VSIG4: variants seen among roughly 807,000 people sequenced by gnomAD.
VSIG4 encodes V-set and immunoglobulin domain-containing protein 4.
Under a neutral mutation model 23.4 loss-of-function variants are expected in VSIG4, and 34 were observed. The observed-to-expected ratio is 1.45, with a 90% CI of 1.10 to 1.93. VSIG4 has a LOEUF of 1.93. Ranked by LOEUF, VSIG4 falls within the 30% of genes most tolerant of loss-of-function variation. The probability of loss-of-function intolerance (pLI) is 0.00; values close to 1 mark genes in which losing one functional copy is unlikely to be tolerated. For synonymous variants in VSIG4, 169 were observed against 120.3 expected (o/e 1.41, Z -2.65); for missense variants, 433 against 310.8 (o/e 1.39, Z -2.96).
At chrX:66,036,778 T>A (rs1391814588) in intron 1 of VSIG4, among the ~76,000 whole-genome samples, 12 of 40,095 alleles carry the variant, frequency 3.0e-4, no homozygotes, top group East Asian at 9.6e-4. Context: ...TATATTATAT[T>A]ATATTATATA....
intron 1 of VSIG4, among the ~76,000 whole-genome samples, chrX:66,035,558 G>C (rs764457588): frequency 3.6e-5 from 4 of 111,373 alleles, no homozygotes; most frequent in African/African-American, 1.3e-4. Flanking sequence ...GTAATTATAG[G>C]TTCCAGCTGG....
intron 4 of VSIG4, 121 bp from the exon 5 acceptor site, chrX:66,027,647 C>A (rs1165063808): frequency 7.3e-6 from 4 of 547,206 alleles, no homozygotes; most frequent in Non-Finnish European, 1.3e-5. Flanking sequence ...TCCAGGGTAC[C>A]TGACCATGTT....
intron 2 of VSIG4, 97 bp downstream of exon 2, chrX:66,033,377 A>G: frequency 1.3e-6 from 1 of 780,882 alleles, no homozygotes; most frequent in Non-Finnish European, 1.9e-6. Flanking sequence ...GAGCCTCTGT[A>G]TAAACGAAGG....
intron 5 of VSIG4, 70 bp from the exon 6 acceptor site, chrX:66,025,199 AG>A: frequency 2.7e-6 from 2 of 731,825 alleles, no homozygotes; most frequent in Non-Finnish European, 3.9e-6. Context: ...TCTAAGAAAC[AG>A]CCTAGACTAA....
chrX:66,034,637 A>T (rs759010374), intron 1 of VSIG4, among the ~76,000 whole-genome samples: 1 of 110,297 alleles, frequency 9.1e-6, no homozygotes, highest in South Asian at 3.9e-4. Context: ...GGGGGAAAAG[A>T]TTGCATCCAT....
At chrX:66,033,405 C>A in intron 2 of VSIG4, 69 bp downstream of exon 2, 1 of 1,029,328 alleles carries the variant, frequency 9.7e-7, no homozygotes, top group East Asian at 3.0e-5. Context: ...ATTTTTCAGG[C>A]TTTTCTAGAA....
intron 1 of VSIG4, among the ~76,000 whole-genome samples, chrX:66,035,270 A>T: frequency 8.9e-6 from 1 of 112,093 alleles, no homozygotes; most frequent in East Asian, 2.8e-4. Context: ...AGAGAGCAGA[A>T]CTCAGACCTA....
chrX:66,035,626 T>C (rs943938986), intron 1 of VSIG4, among the ~76,000 whole-genome samples: 3 of 112,107 alleles, frequency 2.7e-5, no homozygotes, highest in Non-Finnish European at 5.6e-5. Context: ...CACACCTCCA[T>C]GTGATTGCAG....
intron 1 of VSIG4, among the ~76,000 whole-genome samples, chrX:66,036,921 TTATATTATATGATATA>T (rs2085573301): frequency 3.9e-5 from 1 of 25,554 alleles, no homozygotes; most frequent in Non-Finnish European, 5.0e-5. Flanking sequence ...ATATGATATA[TTATATTATATGATATA>T]TTATATGATA....
At position 66,022,239 on chromosome X, in the gene VSIG4, A is replaced by T. The variant is rs1283579737; in HGVS notation, c.*24T>A. On this transcript the variant is annotated 3_prime_UTR_variant, in exon 8 of 8. Transcript: ENST00000374737. ...GGACTGACTAGGCAATTATGTCAGC[A>T]GATCCTGGCCTAATGGGGCATTTTT... 4 of 1,212,153 alleles carry T rather than the reference A, an allele frequency of 3.3e-6. No homozygotes were observed. The South Asian group carries it at 7.0e-5, about 21-fold the overall frequency.
At chrX:66,032,368 C>G (rs1481668018) in intron 3 of VSIG4, 100 bp downstream of exon 3, 45 of 1,023,417 alleles carry the variant, frequency 4.4e-5, no homozygotes, top group Non-Finnish European at 5.9e-5. Context: ...TGCTTGGGAT[C>G]CTCCTCTCCC....
chrX:66,033,451 T>C, intron 2 of VSIG4, 23 bp downstream of exon 2: 1 of 1,156,927 alleles, frequency 8.6e-7, no homozygotes, highest in Non-Finnish European at 1.2e-6. Context: ...TATCAGTGCT[T>C]TCCTACCCCC....
At chrX:66,038,709 C>A (rs946434899) in intron 1 of VSIG4, among the ~76,000 whole-genome samples, 1 of 111,408 alleles carries the variant, frequency 9.0e-6, no homozygotes, top group Non-Finnish European at 1.9e-5. Flanking sequence ...ATTAACTCTG[C>A]CACTAATGCT....
intron 3 of VSIG4, among the ~76,000 whole-genome samples, chrX:66,031,713 C>A (rs1283249707): frequency 9.0e-6 from 1 of 111,117 alleles, no homozygotes; most frequent in Non-Finnish European, 1.9e-5. Flanking sequence ...CATATCACTG[C>A]TGGACTCTTC....
At chrX:66,028,357 A>C (rs1214605995) in intron 3 of VSIG4, among the ~76,000 whole-genome samples, 2 of 110,947 alleles carry the variant, frequency 1.8e-5, no homozygotes, top group Non-Finnish European at 3.8e-5. Context: ...TCAGAGAGTC[A>C]GTCAACTTGG....
chrX:66,033,271 AC>A (rs1276767517), intron 2 of VSIG4, among the ~76,000 whole-genome samples: 17 of 111,210 alleles, frequency 1.5e-4, no homozygotes, highest in African/African-American at 5.6e-4. Context: ...CAGGTCAGGA[AC>A]CCTTCCCAGC....
chrX:66,039,556 G>A (rs756538113), intron 1 of VSIG4, among the ~76,000 whole-genome samples: 34 of 111,503 alleles, frequency 3.0e-4, no homozygotes, highest in African/African-American at 1.1e-3. Flanking sequence ...TTCGGGGGCT[G>A]TATATTTTAA....
Position 66,022,273 on chromosome X carries a change from C to G in VSIG4, c.1190G>C (p.Ser397Thr). 1 of 1,212,144 alleles carries G rather than the reference C, an allele frequency of 8.2e-7. No individual in the cohort carries two copies. The change falls in exon 8 of 8, where the codon AGT becomes ACT. Residue 397 changes from serine to threonine, a missense_variant. By Grantham distance (58) the Ser-to-Thr change is moderately conservative (BLOSUM62 1). Coordinates refer to ENST00000374737, the MANE Select transcript of VSIG4 (RefSeq NM_007268.3). ...DYEFLATEGKSVC is the reference protein window; with the variant it reads ...DYEFLATEGKTVC ...CCTAATGGGGCATTTTTAACAGACA[C>G]TTTTGCCCTCAGTGGCCAGAAACTC...
chrX:66,022,637 G>A lies in VSIG4; in HGVS notation c.963-137C>T, dbSNP rs747619278. On this transcript the variant is annotated intron_variant, in intron 7 of 7. Coordinates refer to ENST00000374737, the MANE Select transcript of VSIG4 (RefSeq NM_007268.3). Reference sequence around the variant, plus strand: ...GGATTCTGGAAGCAGAAGGCAGATGGATCTAAATTATCCTTTGTGTTCAGA... The same window carrying A: ...GGATTCTGGAAGCAGAAGGCAGATGAATCTAAATTATCCTTTGTGTTCAGA... The A allele has an allele frequency of 1.8e-5, 20 of 1,126,599 alleles. No homozygotes were observed. In the African/African-American group the frequency reaches 2.2e-4, roughly 12 times the overall value. The allele number at this position is 1,126,599 out of a possible 1,213,427, so 92.8% of individuals were successfully genotyped here.
Sources: allele counts gnomAD v4.1 joint callset (sites outside exome capture counted in the v4.1 genomes callset), GRCh38; gene constraint gnomAD v4.1.1; transcripts MANE v1.5; gene names NCBI Gene and HGNC (gene_info 2026-07-23, HGNC 2026-07-21).